NEGR1: variants seen among roughly 807,000 people sequenced by gnomAD.
NEGR1 encodes the protein neuronal growth regulator 1.
A neutral mutation model predicts 40.9 loss-of-function variants in NEGR1; 10 were observed. The observed-to-expected ratio is 0.24, with a 90% CI of 0.15 to 0.42. The LOEUF is 0.42. Ranked by LOEUF, NEGR1 falls within the 10% of genes least tolerant of loss-of-function variation. NEGR1 has a pLI of 1.00. For synonymous variants in NEGR1, 185 were observed against 166.8 expected (o/e 1.11, Z -0.84); for missense variants, 352 against 438.9 (o/e 0.80, Z 1.77).
intron 1 of NEGR1, among the ~76,000 whole-genome samples, chr1:72,041,240 T>C (rs1557496978): frequency 6.6e-6 from 1 of 152,058 alleles, no homozygotes; most frequent in Non-Finnish European, 1.5e-5. Flanking sequence ...ATTTGTCCTT[T>C]GTTTCCCTCT....
chr1:71,566,462 G>A (rs1039524134), intron 6 of NEGR1, among the ~76,000 whole-genome samples: 2 of 152,108 alleles, frequency 1.3e-5, no homozygotes, highest in Non-Finnish European at 2.9e-5. Context: ...GGTAATTGCT[G>A]TGGTGGTCTG....
At chr1:71,408,788 T>G (rs961937395) in intron 6 of NEGR1, 2 of 152,076 alleles carry the variant, frequency 1.3e-5, no homozygotes, top group Admixed American at 1.3e-4. Context: ...AGAAATCGAC[T>G]ACTTCATTTC....
intron 2 of NEGR1, among the ~76,000 whole-genome samples, chr1:71,930,651 C>G (rs1645846903): frequency 6.6e-6 from 1 of 152,126 alleles, no homozygotes; most frequent in African/African-American, 2.4e-5. Context: ...AAAACAATGA[C>G]TAAGCAAGAG....
At chr1:71,420,802 G>A (rs370863534) in intron 6 of NEGR1, among the ~76,000 whole-genome samples, 5 of 152,002 alleles carry the variant, frequency 3.3e-5, no homozygotes, top group East Asian at 3.9e-4. Context: ...CTTTTATAAC[G>A]CTCATTGCTT....
intron 1 of NEGR1, among the ~76,000 whole-genome samples, chr1:72,126,044 T>C (rs953009525): frequency 4.8e-4 from 72 of 151,144 alleles, no homozygotes; most frequent in African/African-American, 1.7e-3. Flanking sequence ...CTGTTAGGGA[T>C]AGTTTACCAT....
intron 1 of NEGR1, among the ~76,000 whole-genome samples, chr1:71,959,684 A>C (rs1201798878): frequency 6.6e-6 from 1 of 152,030 alleles, no homozygotes; most frequent in Admixed American, 6.6e-5. Context: ...CATTGCCAAT[A>C]ATTTATTTGT....
At chr1:71,797,496 A>T (rs938819999) in intron 2 of NEGR1, among the ~76,000 whole-genome samples, 1 of 152,182 alleles carries the variant, frequency 6.6e-6, no homozygotes, top group Admixed American at 6.6e-5. Context: ...AGTGACTTAA[A>T]TTTTATGATC....
chr1:72,268,078 T>C (rs748496779), intron 1 of NEGR1, among the ~76,000 whole-genome samples: 61 of 151,470 alleles, frequency 4.0e-4, no homozygotes, highest in Admixed American at 1.6e-3. Context: ...CAGAAAGCTG[T>C]CTTGAATTTA....
At chr1:71,669,497 G>T (rs186027542) in intron 4 of NEGR1, among the ~76,000 whole-genome samples, 1 of 151,658 alleles carries the variant, frequency 6.6e-6, no homozygotes, top group Non-Finnish European at 1.5e-5. Context: ...ACTGTCTTTT[G>T]ATGTTTTTAC....
intron 1 of NEGR1, among the ~76,000 whole-genome samples, chr1:72,136,560 G>C (rs914499416): frequency 8.8e-5 from 13 of 146,948 alleles, no homozygotes; most frequent in African/African-American, 3.3e-4. Flanking sequence ...AAAATGGCCA[G>C]ACTTTATAAA....
chr1:71,699,993 C>A (rs1396505494), intron 3 of NEGR1, among the ~76,000 whole-genome samples: 5 of 152,014 alleles, frequency 3.3e-5, no homozygotes, highest in African/African-American at 1.2e-4. Flanking sequence ...GATTAAACCT[C>A]TTTTTCCTCT....
At chr1:71,952,337 G>T (rs1303567787) in intron 1 of NEGR1, among the ~76,000 whole-genome samples, 3 of 151,934 alleles carry the variant, frequency 2.0e-5, no homozygotes. Flanking sequence ...TTGCTGATAT[G>T]AGGAAAATTT....
At chr1:71,544,955 G>T (rs1174388795) in intron 6 of NEGR1, among the ~76,000 whole-genome samples, 1 of 151,624 alleles carries the variant, frequency 6.6e-6, no homozygotes, top group Admixed American at 6.6e-5. Context: ...GAGTATTCAG[G>T]TTTCCTGAGT....
intron 6 of NEGR1, among the ~76,000 whole-genome samples, chr1:71,465,001 G>T (rs952401343): frequency 3.3e-5 from 5 of 152,084 alleles, no homozygotes; most frequent in Non-Finnish European, 7.4e-5. Context: ...GTAGAGAATA[G>T]CATTGAAATC....
At chr1:71,544,338 C>T (rs760915393) in intron 6 of NEGR1, among the ~76,000 whole-genome samples, 1 of 151,620 alleles carries the variant, frequency 6.6e-6, no homozygotes, top group Non-Finnish European at 1.5e-5. Context: ...GGAACAGGTA[C>T]TGTCATTTAC....
At chr1:71,815,373 G>A (rs1025660933) in intron 2 of NEGR1, among the ~76,000 whole-genome samples, 2 of 152,024 alleles carry the variant, frequency 1.3e-5, no homozygotes, top group Non-Finnish European at 2.9e-5. Flanking sequence ...TAAGAAGAAC[G>A]TATATTCTGT....
intron 6 of NEGR1, among the ~76,000 whole-genome samples, chr1:71,525,708 T>C (rs1421472047): frequency 6.6e-6 from 1 of 151,708 alleles, no homozygotes; most frequent in Non-Finnish European, 1.5e-5. Context: ...TTAAGTGTTT[T>C]GGTAATTGTG....
chr1:72,246,739 C>T (rs905345776), intron 1 of NEGR1, among the ~76,000 whole-genome samples: 23 of 152,308 alleles, frequency 1.5e-4, no homozygotes, highest in Admixed American at 1.0e-3. Context: ...TAGTGGCCCA[C>T]TGGGGACTCT....
intron 2 of NEGR1, among the ~76,000 whole-genome samples, chr1:71,883,696 G>A (rs1191328812): frequency 6.6e-6 from 1 of 151,480 alleles, no homozygotes; most frequent in African/African-American, 2.4e-5. Context: ...ATTTACATTA[G>A]GTATTTCTCC....
Sources: allele counts gnomAD v4.1 joint callset (sites outside exome capture counted in the v4.1 genomes callset), GRCh38; gene constraint gnomAD v4.1.1; transcripts MANE v1.5; gene names NCBI Gene and HGNC (gene_info 2026-07-23, HGNC 2026-07-21).